The following ZNF563 variants were observed in gnomAD, a reference collection of about 807,000 sequenced individuals.
The protein encoded by ZNF563 is zinc finger protein 563.
Under a neutral mutation model 48.5 loss-of-function variants are expected in ZNF563, and 39 were observed. The ratio of observed to expected loss-of-function variants is 0.80; its 90% CI spans 0.62 to 1.05. The LOEUF (loss-of-function observed/expected upper bound fraction) is 1.05, where lower values mean the gene tolerates loss of function less well. Ranked by LOEUF, ZNF563 falls within the 50% of genes least tolerant of loss-of-function variation. The probability of loss-of-function intolerance (pLI) is 0.00; values close to 1 mark genes in which losing one functional copy is unlikely to be tolerated. For synonymous variants in ZNF563, 168 were observed against 187.9 expected, an observed-to-expected ratio of 0.89 and a Z score of 0.87; for missense variants, 538 against 597.0, an observed-to-expected ratio of 0.90 and a Z score of 1.03.
chr19:12,318,544 A>AT lies in ZNF563; in HGVS notation c.*49dup. The AT allele has an allele frequency of 6.4e-7, 1 of 1,551,406 alleles. No homozygotes were observed. Among genetic ancestry groups the AT allele is most frequent in the Non-Finnish European group, 8.7e-7 (1 of 1,145,988 alleles). On this transcript the variant is annotated 3_prime_UTR_variant, in exon 4 of 4. Transcript: ENST00000293725. ...GTTTCTGTCCAGTGTAAGTTTATTC[A>AT]TGATATCAAAGGGAACTGGAAATAT...
the ZNF563 span, among the ~76,000 whole-genome samples, chr19:12,340,850 T>A: frequency 0.049 from 7,394 of 152,066 alleles, 595 homozygotes; most frequent in African/African-American, 0.17. Context: ...AAATTAAGAC[T>A]TGCCCACATG....
chr19:12,344,112 G>A, the ZNF563 span, among the ~76,000 whole-genome samples: 2 of 151,926 alleles, frequency 1.3e-5, no homozygotes, highest in African/African-American at 4.8e-5. Flanking sequence ...GAATTTGTTG[G>A]CCAGGAACAG....
chr19:12,322,585 T>C lies in ZNF563; in HGVS notation c.130A>G (p.Arg44Gly). The change falls in exon 2 of 4, where the codon AGA (arginine) becomes GGA (glycine). Residue 44 changes from arginine to glycine, a missense_variant and splice_region_variant. Transcript: ENST00000293725. Reference protein sequence around the residue: ...QETIRNLDCIRMIWEEQNTED... With the variant: ...QETIRNLDCIGMIWEEQNTED... Reference sequence around the variant, plus strand: ...AGTGAAGACATGGTATCATCCTTACTTATACAGTCCAGGTTCCTGATGGTT... The same window carrying C: ...AGTGAAGACATGGTATCATCCTTACCTATACAGTCCAGGTTCCTGATGGTT... The C allele has an allele frequency of 6.3e-7, 1 of 1,597,414 alleles. No homozygotes were observed. The highest frequency in any genetic ancestry group is 1.1e-5 in the South Asian group (1 of 90,112).
chr19:12,341,365 T>C, the ZNF563 span, among the ~76,000 whole-genome samples: 1 of 152,224 alleles, frequency 6.6e-6, no homozygotes, highest in Non-Finnish European at 1.5e-5. Flanking sequence ...AGGGCTTTCT[T>C]ATCATTGATT....
chr19:12,331,943 A>G (rs1170005960), intron 1 of ZNF563, among the ~76,000 whole-genome samples: 1 of 152,226 alleles, frequency 6.6e-6, no homozygotes, highest in African/African-American at 2.4e-5. Flanking sequence ...TTTACAGCAG[A>G]GTGGTTAAAC....
the ZNF563 span, among the ~76,000 whole-genome samples, chr19:12,342,899 C>T: frequency 6.6e-6 from 1 of 151,906 alleles, no homozygotes; most frequent in Non-Finnish European, 1.5e-5. Flanking sequence ...AATTTTATAG[C>T]TTTAAATGCA....
intron 1 of ZNF563, among the ~76,000 whole-genome samples, chr19:12,324,011 T>C (rs559199412): frequency 2.0e-5 from 3 of 152,354 alleles, no homozygotes; most frequent in East Asian, 3.9e-4. Flanking sequence ...TGTTATCTCT[T>C]ATGAATATTT....
rs1236309572 is a variant in ZNF563 at position 12,318,380 on chromosome 19, T to C, written c.*214A>G. 3.4e-6 allele frequency: 2 copies of C among 588,764 alleles called. No homozygotes were observed. The highest frequency in any genetic ancestry group is 1.9e-5 in the African/African-American group (1 of 51,414). 36.5% of individuals were successfully genotyped at this position (588,764 alleles called of 1,614,324 possible). On this transcript the variant is annotated 3_prime_UTR_variant, in exon 4 of 4. Coordinates refer to ENST00000293725, the MANE Select transcript of ZNF563 (RefSeq NM_145276.3). ...TTTTTCTGCTCTGTGAGTTGTTTTA[T>C]GTTGACAATGGTGTTAAAAAAAAAT...
At chr19:12,319,872 C>T in intron 3 of ZNF563, 39 bp from the exon 4 acceptor site, 2 of 1,541,032 alleles carry the variant, frequency 1.3e-6, no homozygotes, top group Non-Finnish European at 8.8e-7. Flanking sequence ...ATAGTTGTTT[C>T]TAAATGATTA....
intron 1 of ZNF563, among the ~76,000 whole-genome samples, chr19:12,326,223 C>T (rs1166977056): frequency 1.3e-5 from 2 of 152,026 alleles, no homozygotes; most frequent in African/African-American, 4.8e-5. Flanking sequence ...AAAAGAAAAT[C>T]AGAAAATAGA....
At chr19:12,322,801 C>T (rs2145805171) in intron 1 of ZNF563, 90 bp from the exon 2 acceptor site, 1 of 1,332,494 alleles carries the variant, frequency 7.5e-7, no homozygotes, top group Non-Finnish European at 1.0e-6. Flanking sequence ...TGATGCTGTG[C>T]TTTCCAAGCA....
intron 3 of ZNF563, among the ~76,000 whole-genome samples, chr19:12,320,861 C>T (rs928841758): frequency 1.3e-5 from 2 of 152,040 alleles, no homozygotes; most frequent in South Asian, 4.1e-4. Context: ...TAAATTTAGG[C>T]TGGTGCAGTG....
chr19:12,338,416 T>C (rs2145824952), upstream of ZNF563, among the ~76,000 whole-genome samples: 1 of 152,208 alleles, frequency 6.6e-6, no homozygotes, highest in East Asian at 1.9e-4. Flanking sequence ...CCCAGTTAAT[T>C]TTTTGCATTT....
chr19:12,333,404 C>A, intron 1 of ZNF563, 76 bp downstream of exon 1: 1 of 1,569,084 alleles, frequency 6.4e-7, no homozygotes, highest in South Asian at 1.2e-5. Context: ...GGGAGGCCCA[C>A]GTTCGCCGCG....
At chr19:12,334,868 C>CAAAA (rs35412288), upstream of ZNF563, among the ~76,000 whole-genome samples, 4 of 45,042 alleles carry the variant, frequency 8.9e-5, no homozygotes, top group African/African-American at 2.6e-4. Flanking sequence ...GACCTGGTCT[C>CAAAA]AAAAAAAAAA....
chr19:12,334,865 T>C (rs1388380474), upstream of ZNF563, among the ~76,000 whole-genome samples: 2 of 83,626 alleles, frequency 2.4e-5, no homozygotes, highest in African/African-American at 1.0e-4. Context: ...TGAGACCTGG[T>C]CTCAAAAAAA....
intron 3 of ZNF563, among the ~76,000 whole-genome samples, chr19:12,320,867 C>T (rs975159677): frequency 3.3e-5 from 5 of 152,062 alleles, no homozygotes; most frequent in Non-Finnish European, 7.3e-5. Context: ...TAGGCTGGTG[C>T]AGTGACTCAC....
chr19:12,319,826 T>C lies in ZNF563; in HGVS notation c.199A>G (p.Met67Val), dbSNP rs367747553. Residue 67 changes from methionine to valine, a missense_variant, in exon 4 of 4, where the codon ATG becomes GTG. Met to Val is a conservative substitution (Grantham distance 21). Transcript: ENST00000293725. ...TTACTTTCACTGAATCTCTCTACCATATGACATCTGTAAAAAATGAGTAGT... is the reference window on the plus strand; with the variant it reads ...TTACTTTCACTGAATCTCTCTACCACATGACATCTGTAAAAAATGAGTAGT... Reference protein sequence around the residue: ...KNPRRNLRCHMVERFSESKDS... With the variant: ...KNPRRNLRCHVVERFSESKDS... The C allele has an allele frequency of 1.5e-5, 24 of 1,609,180 alleles. No individual in the cohort carries two copies. In the African/African-American group the frequency reaches 2.9e-4, roughly 20 times the overall value.
intron 1 of ZNF563, among the ~76,000 whole-genome samples, chr19:12,329,472 C>CAAAAAA (rs754295632): frequency 1.3e-5 from 1 of 75,906 alleles, no homozygotes; most frequent in Non-Finnish European, 2.7e-5. Flanking sequence ...GACTCCATCT[C>CAAAAAA]AAAAAAAAAA....
Sources: allele counts gnomAD v4.1 joint callset (sites outside exome capture counted in the v4.1 genomes callset), GRCh38; gene constraint gnomAD v4.1.1; transcripts MANE v1.5; gene names NCBI Gene and HGNC (gene_info 2026-07-23, HGNC 2026-07-21).